The following SCHIP1 variants were observed in gnomAD, a reference collection of about 807,000 sequenced individuals.
SCHIP1 encodes schwannomin interacting protein 1, also known as schwannomin-interacting protein 1.
SCHIP1 carries 8 observed loss-of-function variants against 29.7 expected under a neutral mutation model. That is an observed-to-expected ratio of 0.27 (90% CI 0.16 to 0.49). The LOEUF is 0.49. SCHIP1 is among the 20% of genes least tolerant of loss of function. The probability of loss-of-function intolerance (pLI) is 0.99; values close to 1 mark genes in which losing one functional copy is unlikely to be tolerated. For synonymous variants in SCHIP1, 76 were observed against 94.9 expected, an observed-to-expected ratio of 0.80 and a Z score of 1.16; for missense variants, 193 against 294.6, an observed-to-expected ratio of 0.66 and a Z score of 2.52.
the SCHIP1 span, among the ~76,000 whole-genome samples, chr3:159,737,019 C>T: frequency 0.022 from 3,301 of 152,294 alleles, 123 homozygotes; most frequent in African/African-American, 0.075. Flanking sequence ...CAGGCGTGAG[C>T]CACCACGCCC....
At chr3:159,290,241 A>C in the SCHIP1 span, among the ~76,000 whole-genome samples, 2 of 152,212 alleles carry the variant, frequency 1.3e-5, no homozygotes, top group African/African-American at 2.4e-5. Flanking sequence ...TGTATTATTG[A>C]AAGAACAAAA....
At chr3:159,440,920 A>G in the SCHIP1 span, among the ~76,000 whole-genome samples, 19 of 152,126 alleles carry the variant, frequency 1.2e-4, no homozygotes, top group Admixed American at 1.2e-3. Flanking sequence ...CTAGAGCACA[A>G]CCCTTCTGAC....
chr3:159,676,188 G>T, the SCHIP1 span, among the ~76,000 whole-genome samples: 2 of 152,180 alleles, frequency 1.3e-5, no homozygotes, highest in African/African-American at 4.8e-5. Flanking sequence ...AGGGGTACTG[G>T]GCTCCAGAAG....
At chr3:159,583,384 A>G in the SCHIP1 span, among the ~76,000 whole-genome samples, 1 of 152,190 alleles carries the variant, frequency 6.6e-6, no homozygotes, top group Non-Finnish European at 1.5e-5. Flanking sequence ...TTAACTAGAA[A>G]ATTATACTCC....
chr3:159,538,701 T>C, the SCHIP1 span, among the ~76,000 whole-genome samples: 2 of 152,126 alleles, frequency 1.3e-5, no homozygotes, highest in African/African-American at 4.8e-5. Context: ...GCGAAGCCAC[T>C]GTCTTTAAAG....
the SCHIP1 span, among the ~76,000 whole-genome samples, chr3:159,496,507 C>T: frequency 6.6e-6 from 1 of 152,118 alleles, no homozygotes; most frequent in Non-Finnish European, 1.5e-5. Context: ...TGAAAAAATG[C>T]TCATCATCAC....
chr3:159,854,203 C>G (rs1014044308), intron 1 of SCHIP1, among the ~76,000 whole-genome samples: 11 of 152,154 alleles, frequency 7.2e-5, no homozygotes, highest in Non-Finnish European at 1.2e-4. Flanking sequence ...ACCTCTTTAC[C>G]TCAGAGGCAA....
At chr3:159,712,277 T>C in the SCHIP1 span, among the ~76,000 whole-genome samples, 1 of 152,196 alleles carries the variant, frequency 6.6e-6, no homozygotes, top group Non-Finnish European at 1.5e-5. Context: ...GGAGTGACAA[T>C]ATGTAGAATG....
chr3:159,431,561 GAA>G, the SCHIP1 span, among the ~76,000 whole-genome samples: 1 of 152,106 alleles, frequency 6.6e-6, no homozygotes, highest in African/African-American at 2.4e-5. Flanking sequence ...GGAGGAAGCA[GAA>G]AAGATTGGAC....
At chr3:159,308,883 C>T in the SCHIP1 span, among the ~76,000 whole-genome samples, 2 of 152,060 alleles carry the variant, frequency 1.3e-5, no homozygotes, top group African/African-American at 4.8e-5. Context: ...GAGCTGGAGG[C>T]CATAATCCTA....
At chr3:159,793,119 G>A in the SCHIP1 span, among the ~76,000 whole-genome samples, 3 of 152,164 alleles carry the variant, frequency 2.0e-5, no homozygotes, top group Admixed American at 2.0e-4. Context: ...CTTAGCCCTC[G>A]CCATGTATCA....
the SCHIP1 span, among the ~76,000 whole-genome samples, chr3:159,280,552 G>A: frequency 9.2e-5 from 14 of 152,172 alleles, no homozygotes; most frequent in Non-Finnish European, 1.6e-4. Context: ...AGTCTCAAAG[G>A]GACACGAAAG....
At chr3:159,492,097 T>C in the SCHIP1 span, among the ~76,000 whole-genome samples, 19,096 of 152,140 alleles carry the variant, frequency 0.13, 1,208 homozygotes, top group South Asian at 0.13. Flanking sequence ...AAACCCCATC[T>C]GTATGTCACC....
chr3:159,292,119 T>C, the SCHIP1 span, among the ~76,000 whole-genome samples: 1 of 152,064 alleles, frequency 6.6e-6, no homozygotes, highest in Non-Finnish European at 1.5e-5. Flanking sequence ...ATTTTAGAGA[T>C]AGATATTGAA....
chr3:159,431,724 A>T, the SCHIP1 span, among the ~76,000 whole-genome samples: 1 of 151,738 alleles, frequency 6.6e-6, no homozygotes, highest in African/African-American at 2.4e-5. Context: ...CAACAGAATC[A>T]CTTGAACCTG....
At chr3:159,401,220 T>A in the SCHIP1 span, 5 of 918,738 alleles carry the variant, frequency 5.4e-6, no homozygotes, top group South Asian at 2.5e-4. Flanking sequence ...ATAAGTGAAC[T>A]GACCATTATT....
At chr3:159,557,422 A>G in the SCHIP1 span, among the ~76,000 whole-genome samples, 1 of 152,182 alleles carries the variant, frequency 6.6e-6, no homozygotes, top group Non-Finnish European at 1.5e-5. Flanking sequence ...GCCTTATTTC[A>G]TAATCCATAG....
At chr3:159,387,356 G>T in the SCHIP1 span, 1 of 386,856 alleles carries the variant, frequency 2.6e-6, no homozygotes, top group South Asian at 2.1e-5. Context: ...AGAAGAGATA[G>T]ATCTCTTCCA....
At chr3:159,800,986 T>C in the SCHIP1 span, among the ~76,000 whole-genome samples, 1 of 151,268 alleles carries the variant, frequency 6.6e-6, no homozygotes, top group Admixed American at 6.6e-5. Context: ...TTTTTTAATA[T>C]GCAGTTTTTA....
Sources: allele counts gnomAD v4.1 joint callset (sites outside exome capture counted in the v4.1 genomes callset), GRCh38; gene constraint gnomAD v4.1.1; transcripts MANE v1.5; gene names NCBI Gene and HGNC (gene_info 2026-07-23, HGNC 2026-07-21).